The following KAZN variants were observed in gnomAD, a reference collection of about 807,000 sequenced individuals.
KAZN encodes the protein kazrin, periplakin interacting protein, also known as kazrin.
KAZN carries 40 observed loss-of-function variants against 87.4 expected under a neutral mutation model. That is an observed-to-expected ratio of 0.46 (90% CI 0.36 to 0.60). The LOEUF is 0.60. Ranked by LOEUF, KAZN falls within the 20% of genes least tolerant of loss-of-function variation. KAZN has a pLI of 0.00. For synonymous variants in KAZN, 466 were observed against 458.3 expected (o/e 1.02, Z -0.22); for missense variants, 898 against 1,073.9 (o/e 0.84, Z 2.29).
intron 1 of KAZN, among the ~76,000 whole-genome samples, chr1:14,622,676 C>T (rs1386770409): frequency 2.1e-5 from 3 of 139,702 alleles, no homozygotes; most frequent in East Asian, 2.1e-4. Context: ...GGTGACAGAG[C>T]GAGACTCCAT....
intron 2 of KAZN, among the ~76,000 whole-genome samples, chr1:15,012,393 C>T (rs1410628802): frequency 1.3e-5 from 2 of 152,140 alleles, no homozygotes; most frequent in African/African-American, 4.8e-5. Context: ...CCCAGTTAAG[C>T]CCAAATCTCC....
rs77630299 is a variant in KAZN, at chr1:14,044,574, G to T, written c.92-135861G>T. 2.4e-3 allele frequency among the ~76,000 whole-genome samples: 366 copies of T among 152,234 alleles called. 3 individuals carry two copies. Among genetic ancestry groups the T allele is most frequent in the African/African-American group, 8.5e-3 (355 of 41,548 alleles). On this transcript the variant is annotated intron_variant, in intron 1 of 16. Coordinates refer to the KAZN transcript ENST00000636203. ...GACTAGCATGTTGTAAGGACTCAAT[G>T]AATGAAGCTTTATTATTATTATTAT...
chr1:14,451,139 C>T (rs369839562), intron 2 of KAZN, among the ~76,000 whole-genome samples: 28 of 152,092 alleles, frequency 1.8e-4, no homozygotes, highest in East Asian at 5.8e-4. Flanking sequence ...TGCAGAACCA[C>T]GAGCCAATCA....
chr1:14,522,513 T>C (rs996038183), intron 2 of KAZN, among the ~76,000 whole-genome samples: 5 of 152,212 alleles, frequency 3.3e-5, no homozygotes, highest in South Asian at 2.1e-4. Flanking sequence ...CGTCATCATC[T>C]GTGATGTGTA....
At chr1:14,977,122 C>T (rs1439767940) in intron 2 of KAZN, among the ~76,000 whole-genome samples, 1 of 152,160 alleles carries the variant, frequency 6.6e-6, no homozygotes, top group Non-Finnish European at 1.5e-5. Flanking sequence ...CTGAAAAGGC[C>T]ATGGAGTCCT....
chr1:14,165,372 G>T (rs1334962986), intron 1 of KAZN, among the ~76,000 whole-genome samples: 2 of 151,956 alleles, frequency 1.3e-5, no homozygotes, highest in African/African-American at 4.8e-5. Flanking sequence ...TTAAAAGCAG[G>T]AATGACAAGG....
chr1:14,782,880 G>A (rs917346237), intron 1 of KAZN, among the ~76,000 whole-genome samples: 1 of 152,060 alleles, frequency 6.6e-6, no homozygotes, highest in Non-Finnish European at 1.5e-5. Flanking sequence ...CAGGCCTGGC[G>A]GCATCTGTAG....
intron 2 of KAZN, among the ~76,000 whole-genome samples, chr1:14,325,059 G>A (rs1037559859): frequency 4.6e-5 from 7 of 152,144 alleles, no homozygotes; most frequent in Admixed American, 2.0e-4. Context: ...AGCTGAAAGC[G>A]GGGGAACGAG....
At chr1:14,047,536 G>C (rs1458748429) in intron 1 of KAZN, among the ~76,000 whole-genome samples, 1 of 152,158 alleles carries the variant, frequency 6.6e-6, no homozygotes, top group Non-Finnish European at 1.5e-5. Context: ...CTGCTCGCCT[G>C]GTTGCCCAAG....
rs1225831906 is a variant in KAZN at position 14,955,123 on chromosome 1, C to T, written c.227-5561C>T. On this transcript the variant is annotated intron_variant, in intron 1 of 14. Transcript: ENST00000376030. ...TGAAGGCCCAGAGAGAGACAGTGAC[C>T]GGCCCAAGGTCACACAGCAACGTAA... Among the ~76,000 whole-genome samples the T allele has an allele frequency of 3.9e-5, 6 of 152,126 alleles. No individual in the cohort carries two copies. In the South Asian group the frequency reaches 6.2e-4, roughly 16 times the overall value.
At chr1:14,615,887 A>C (rs1051182612) in intron 1 of KAZN, among the ~76,000 whole-genome samples, 2 of 152,194 alleles carry the variant, frequency 1.3e-5, no homozygotes, top group African/African-American at 4.8e-5. Flanking sequence ...AATATCACCC[A>C]ATCCATCAGT....
At chr1:14,456,367 G>A (rs1316884189) in intron 2 of KAZN, among the ~76,000 whole-genome samples, 5 of 152,132 alleles carry the variant, frequency 3.3e-5, no homozygotes, top group Admixed American at 2.6e-4. Context: ...GGTCTCTCCA[G>A]TATTTGGTAG....
intron 2 of KAZN, among the ~76,000 whole-genome samples, chr1:14,376,912 G>C (rs1660960146): frequency 1.3e-5 from 2 of 152,180 alleles, no homozygotes; most frequent in African/African-American, 4.8e-5. Context: ...GTATGTTTTT[G>C]TTTGCAAAGC....
At chr1:14,841,601 C>A (rs568523027) in intron 1 of KAZN, among the ~76,000 whole-genome samples, 1 of 152,218 alleles carries the variant, frequency 6.6e-6, no homozygotes, top group African/African-American at 2.4e-5. Context: ...GATGCTAGGG[C>A]TAGATACACC....
chr1:15,080,417 C>G (rs1396679072), intron 8 of KAZN, among the ~76,000 whole-genome samples: 1 of 151,990 alleles, frequency 6.6e-6, no homozygotes, highest in African/African-American at 2.4e-5. Flanking sequence ...GTGGCAGGGC[C>G]CCTGCCACCT....
chr1:14,943,276 A>G (rs1012425953), intron 1 of KAZN, among the ~76,000 whole-genome samples: 3 of 151,978 alleles, frequency 2.0e-5, no homozygotes, highest in Admixed American at 1.3e-4. Flanking sequence ...TCCAGAAACC[A>G]GAGAAAGCCA....
intron 2 of KAZN, among the ~76,000 whole-genome samples, chr1:14,389,623 T>C (rs1662248402): frequency 6.6e-6 from 1 of 152,140 alleles, no homozygotes; most frequent in Non-Finnish European, 1.5e-5. Flanking sequence ...TCACATATTC[T>C]CACTTACTTA....
chr1:14,530,439 G>A (rs1025865764), intron 2 of KAZN, among the ~76,000 whole-genome samples: 2 of 152,194 alleles, frequency 1.3e-5, no homozygotes, highest in African/African-American at 4.8e-5. Flanking sequence ...TTGGATGTGT[G>A]TCTCCTCCAA....
chr1:14,207,721 A>T (rs1646773674), intron 2 of KAZN, among the ~76,000 whole-genome samples: 1 of 152,148 alleles, frequency 6.6e-6, no homozygotes, highest in Non-Finnish European at 1.5e-5. Context: ...AATCCTGGTG[A>T]GTTGGAACAT....
Sources: allele counts gnomAD v4.1 joint callset (sites outside exome capture counted in the v4.1 genomes callset), GRCh38; gene constraint gnomAD v4.1.1; transcripts MANE v1.5; gene names NCBI Gene and HGNC (gene_info 2026-07-23, HGNC 2026-07-21).